The following CTNND2 variants were observed in gnomAD, a reference collection of about 807,000 sequenced individuals.
CTNND2 encodes the protein catenin delta-2.
In CTNND2, 22 loss-of-function variants were observed where a neutral mutation model predicts 144.4. The observed-to-expected ratio is 0.15, with a 90% CI of 0.11 to 0.22. The LOEUF (loss-of-function observed/expected upper bound fraction) is 0.22, where lower values mean the gene tolerates loss of function less well. Among genes scored for constraint, CTNND2 ranks in the 10% least tolerant of loss-of-function variants. CTNND2 has a pLI of 1.00. For missense variants in CTNND2, 1,353 were observed against 1,618.8 expected (o/e 0.84, Z 2.82); for synonymous variants, 751 against 695.6 (o/e 1.08, Z -1.25).
At chr5:11,870,942 T>C (rs1432180519) in intron 1 of CTNND2, among the ~76,000 whole-genome samples, 1 of 152,172 alleles carries the variant, frequency 6.6e-6, no homozygotes, top group Admixed American at 6.5e-5. Context: ...CCCCCAAAAA[T>C]TCAAATGTTG....
chr5:11,569,538 T>C (rs1357967355), intron 2 of CTNND2, among the ~76,000 whole-genome samples: 2 of 152,112 alleles, frequency 1.3e-5, no homozygotes, highest in Non-Finnish European at 2.9e-5. Flanking sequence ...TTTAAGTAGA[T>C]AAAAGCATGT....
chr5:11,572,994 A>G (rs978316907), intron 2 of CTNND2, among the ~76,000 whole-genome samples: 2 of 152,102 alleles, frequency 1.3e-5, no homozygotes, highest in African/African-American at 4.8e-5. Context: ...TAGATGTTCT[A>G]CCTGGGAGAG....
intron 2 of CTNND2, among the ~76,000 whole-genome samples, chr5:11,634,107 C>T (rs1561641140): frequency 6.6e-6 from 1 of 152,178 alleles, no homozygotes; most frequent in Non-Finnish European, 1.5e-5. Context: ...ATCCTTTTCC[C>T]CAACTCTTGA....
At position 10,988,330 on chromosome 5, in the gene CTNND2, G is replaced by C; in HGVS notation, c.3212-88C>G. On this transcript the variant is annotated intron_variant, in intron 19 of 21. Coordinates refer to ENST00000304623, the MANE Select transcript of CTNND2 (RefSeq NM_001332.4). The surrounding 1 kb of genome is among the most constrained non-coding windows in gnomAD (Gnocchi z 5.9). Reference sequence around the variant, plus strand: ...CACAGTCAGGGTCCTCACTATGCATGGTCCCGCATCTCAATGCCTACGTGA... The same window carrying C: ...CACAGTCAGGGTCCTCACTATGCATCGTCCCGCATCTCAATGCCTACGTGA... 6.6e-7 allele frequency: 1 copy of C among 1,508,404 alleles called. No homozygotes were observed. The allele number at this position is 1,508,404 out of a possible 1,614,324, so 93.4% of individuals were successfully genotyped here.
At chr5:11,321,502 T>C (rs991011494) in intron 9 of CTNND2, among the ~76,000 whole-genome samples, 8 of 152,220 alleles carry the variant, frequency 5.3e-5, no homozygotes, top group African/African-American at 1.4e-4. Context: ...CCTGCACATA[T>C]TGCTATTTAA....
intron 2 of CTNND2, among the ~76,000 whole-genome samples, chr5:11,656,017 AT>A (rs1347809409): frequency 6.7e-6 from 1 of 149,994 alleles, no homozygotes. Flanking sequence ...AAAAAAAAAA[AT>A]TATTTTAGTT....
intron 16 of CTNND2, among the ~76,000 whole-genome samples, chr5:11,064,608 T>C (rs1747358390): frequency 6.6e-6 from 1 of 152,122 alleles, no homozygotes; most frequent in African/African-American, 2.4e-5. Flanking sequence ...TGCTTATCTA[T>C]TCTGCAGAAG....
intron 9 of CTNND2, among the ~76,000 whole-genome samples, chr5:11,260,925 T>A (rs750615404): frequency 6.6e-6 from 1 of 152,196 alleles, no homozygotes; most frequent in Non-Finnish European, 1.5e-5. Context: ...ATTAAATTAA[T>A]TCTGACATAT....
intron 1 of CTNND2, among the ~76,000 whole-genome samples, chr5:11,734,973 A>T (rs535046786): frequency 6.6e-6 from 1 of 152,330 alleles, no homozygotes; most frequent in East Asian, 1.9e-4. Context: ...AGAATATGTG[A>T]GAAGGAATAA....
intron 15 of CTNND2, among the ~76,000 whole-genome samples, chr5:11,090,181 G>C (rs1750620442): frequency 6.6e-6 from 1 of 152,198 alleles, no homozygotes; most frequent in South Asian, 2.1e-4. Context: ...AGAATACTGA[G>C]GTGGCATGTC....
intron 11 of CTNND2, among the ~76,000 whole-genome samples, chr5:11,183,420 G>T (rs1580520089): frequency 3.3e-5 from 5 of 152,304 alleles, no homozygotes; most frequent in Admixed American, 3.3e-4. Context: ...GTGCATAAGT[G>T]ATTACACAGA....
At chr5:11,741,745 AT>A (rs1788026498) in intron 1 of CTNND2, among the ~76,000 whole-genome samples, 2 of 148,310 alleles carry the variant, frequency 1.3e-5, no homozygotes, top group African/African-American at 4.9e-5. Flanking sequence ...TATATATTAT[AT>A]ATTCATGTAT....
chr5:11,432,682 A>C (rs181352675), intron 3 of CTNND2, among the ~76,000 whole-genome samples: 25 of 152,326 alleles, frequency 1.6e-4, no homozygotes, highest in Non-Finnish European at 2.5e-4. Flanking sequence ...AAGCCAAATA[A>C]AATGATAAGC....
intron 2 of CTNND2, among the ~76,000 whole-genome samples, chr5:11,653,789 G>C (rs903571452): frequency 2.0e-5 from 3 of 150,818 alleles, no homozygotes; most frequent in Non-Finnish European, 3.0e-5. Flanking sequence ...CCTGTGATTT[G>C]GGAGTCATAT....
rs1264439207 is a variant in CTNND2, at chr5:11,110,950, C to T, written c.2371G>A (p.Asp791Asn). The T allele has an allele frequency of 2.5e-6, 4 of 1,614,194 alleles. No individual in the cohort carries two copies. The highest frequency in any genetic ancestry group is 1.7e-6 in the Non-Finnish European group (2 of 1,180,032). The change falls in exon 14 of 22, where the codon GAC (aspartate) becomes AAC (asparagine). Residue 791 changes from aspartate to asparagine, a missense_variant. Coordinates refer to ENST00000304623, the MANE Select transcript of CTNND2 (RefSeq NM_001332.4). Reference protein sequence around the residue: ...QGQHMGTDELDGLLCGEANGK... With the variant: ...QGQHMGTDELNGLLCGEANGK... ...TTGGCCTCGCCACAGAGTAGCCCGT[C>T]CAGCTCGTCCGTGCCCATGTGCTGT...
At chr5:11,728,612 C>CA (rs1787155057) in intron 2 of CTNND2, among the ~76,000 whole-genome samples, 1 of 152,074 alleles carries the variant, frequency 6.6e-6, no homozygotes, top group South Asian at 2.1e-4. Context: ...TAATGGTACT[C>CA]AAAAAATCCT....
intron 2 of CTNND2, among the ~76,000 whole-genome samples, chr5:11,589,943 T>C (rs1779123272): frequency 1.3e-5 from 2 of 152,188 alleles, no homozygotes. Flanking sequence ...TAATATTTGA[T>C]GGCACTGAAG....
At chr5:11,506,198 G>A (rs923019504) in intron 3 of CTNND2, among the ~76,000 whole-genome samples, 9 of 152,170 alleles carry the variant, frequency 5.9e-5, no homozygotes, top group African/African-American at 2.2e-4. Context: ...GGCTATCATA[G>A]GAGATTGGCC....
At chr5:11,436,089 A>G (rs1216828022) in intron 3 of CTNND2, among the ~76,000 whole-genome samples, 1 of 151,728 alleles carries the variant, frequency 6.6e-6, no homozygotes, top group African/African-American at 2.4e-5. Context: ...TTGCTTCCTG[A>G]GCGCTTGCTC....
Sources: gnomAD v4.1 joint callset for allele counts (sites outside exome capture counted in the v4.1 genomes callset) on GRCh38, gnomAD v4.1.1 for gene constraint, Gnocchi (gnomAD v3.1) non-coding constraint, MANE v1.5 for transcripts, NCBI Gene and HGNC (gene_info 2026-07-23, HGNC 2026-07-21) for gene names.